Variants in DNAH9 observed in about 807,000 individuals in gnomAD.
DNAH9 encodes dynein axonemal heavy chain 9.
Under a neutral mutation model 471.6 loss-of-function variants are expected in DNAH9, and 345 were observed. The ratio of observed to expected loss-of-function variants is 0.73; its 90% CI spans 0.67 to 0.80. DNAH9 has a LOEUF of 0.80. Ranked by LOEUF, DNAH9 falls within the 30% of genes least tolerant of loss-of-function variation. The pLI is 0.00. For missense variants in DNAH9, 5,407 were observed against 5,609.2 expected, an observed-to-expected ratio of 0.96 and a Z score of 1.15; for synonymous variants, 2,093 against 2,123.6, an observed-to-expected ratio of 0.99 and a Z score of 0.40.
chr17:11,915,809 T>TA (rs1314794890), intron 61 of DNAH9, among the ~76,000 whole-genome samples: 1 of 152,250 alleles, frequency 6.6e-6, no homozygotes, highest in Non-Finnish European at 1.5e-5. Context: ...TAGAGATTCT[T>TA]ACAGCACTCT....
At chr17:11,702,877 G>T (rs941348964) in intron 24 of DNAH9, among the ~76,000 whole-genome samples, 2 of 152,078 alleles carry the variant, frequency 1.3e-5, no homozygotes, top group Admixed American at 6.6e-5. Flanking sequence ...TGGATCACGA[G>T]GTCAGGAGAT....
chr17:11,731,974 A>G (rs2075278111), intron 28 of DNAH9, among the ~76,000 whole-genome samples: 2 of 152,142 alleles, frequency 1.3e-5, no homozygotes, highest in Non-Finnish European at 2.9e-5. Flanking sequence ...GAATCTCCAC[A>G]TTGACTTCCA....
rs549053064 is a variant in DNAH9 at position 11,932,575 on chromosome 17, G to A, written c.12297+370G>A. Among the ~76,000 whole-genome samples, 8 of 152,310 alleles carry A rather than the reference G, an allele frequency of 5.3e-5. No individual in the cohort carries two copies. The South Asian group carries it at 1.2e-3, about 24-fold the overall frequency. On this transcript the variant is annotated intron_variant, in intron 64 of 68. Coordinates refer to ENST00000262442, the MANE Select transcript of DNAH9 (RefSeq NM_001372.4). This position sits in a 1 kb window ranked among gnomAD's most constrained non-coding sequence, Gnocchi z 4.3. ...AGATTCTCTGGTAATTCGTATGCACGTTAAGGAGGGATGATGCAGTGCTAT... is the reference window on the plus strand; with the variant it reads ...AGATTCTCTGGTAATTCGTATGCACATTAAGGAGGGATGATGCAGTGCTAT...
intron 10 of DNAH9, among the ~76,000 whole-genome samples, chr17:11,642,272 C>T (rs953954056): frequency 6.6e-6 from 1 of 152,164 alleles, no homozygotes; most frequent in African/African-American, 2.4e-5. Context: ...GGCATGGTGG[C>T]TCACACCTGT....
chr17:11,697,844 ATTG>A (rs1025510840), intron 22 of DNAH9, among the ~76,000 whole-genome samples: 1 of 151,834 alleles, frequency 6.6e-6, no homozygotes, highest in Non-Finnish European at 1.5e-5. Context: ...GTACTCTGTC[ATTG>A]TTAGTCTCCT....
At chr17:11,644,548 C>G in intron 10 of DNAH9, 83 bp from the exon 11 acceptor site, 1 of 1,015,904 alleles carries the variant, frequency 9.8e-7, no homozygotes, top group Non-Finnish European at 1.5e-6. Flanking sequence ...TCACGCTCTT[C>G]TTTGGAGACT....
At chr17:11,636,009 G>GT (rs920955597) in intron 8 of DNAH9, among the ~76,000 whole-genome samples, 58 of 149,072 alleles carry the variant, frequency 3.9e-4, no homozygotes, top group East Asian at 9.8e-4. Flanking sequence ...TGTTTGTTTG[G>GT]TTTTTTTTTG....
chr17:11,715,661 T>C (rs1279339661), intron 26 of DNAH9, among the ~76,000 whole-genome samples: 1 of 152,226 alleles, frequency 6.6e-6, no homozygotes, highest in African/African-American at 2.4e-5. Context: ...TAAGGATCTT[T>C]TGCCATTGTC....
chr17:11,663,784 G>C (rs1341383164), intron 14 of DNAH9, among the ~76,000 whole-genome samples: 1 of 152,180 alleles, frequency 6.6e-6, no homozygotes, highest in African/African-American at 2.4e-5. Context: ...ATTTAATGTG[G>C]AAGCAAACAA....
Position 11,930,047 on chromosome 17 carries a change from C to T in DNAH9, c.12059C>T (p.Thr4020Met), listed in dbSNP as rs774626535. 9.9e-6 allele frequency: 16 copies of T among 1,614,016 alleles called. No homozygotes were observed. The highest frequency in any genetic ancestry group is 8.3e-5 in the Admixed American group (5 of 60,000). The change falls in exon 63 of 69, where the codon ACG (threonine) becomes ATG (methionine). Residue 4020 changes from threonine (T) to methionine (M), a missense_variant. This residue lies in a region of DNAH9 where 4,636 missense variants were observed against 4,900.3 expected (regional missense o/e 0.95). Coordinates refer to ENST00000262442, the MANE Select transcript of DNAH9 (RefSeq NM_001372.4). ...NSIKITNEPP[T>M]GMHANLHKAL... ...ATTAAGATCACCAATGAGCCCCCCACGGGCATGCATGCCAACCTGCACAAG... is the reference window on the plus strand; with the variant it reads ...ATTAAGATCACCAATGAGCCCCCCATGGGCATGCATGCCAACCTGCACAAG...
At chr17:11,952,351 CCTCA>C (rs1027626094) in intron 67 of DNAH9, among the ~76,000 whole-genome samples, 1 of 127,404 alleles carries the variant, frequency 7.8e-6, no homozygotes, top group Non-Finnish European at 1.6e-5. Flanking sequence ...AGATACCAGG[CCTCA>C]CTGTGTTTCC....
intron 31 of DNAH9, 55 bp downstream of exon 31, chr17:11,745,139 T>C: frequency 7.1e-7 from 1 of 1,415,454 alleles, no homozygotes; most frequent in Non-Finnish European, 9.8e-7. Context: ...TTGTCCAGGA[T>C]AATGGGTTAT....
intron 1 of DNAH9, 91 bp downstream of exon 1, chr17:11,599,006 G>A (rs2072327135): frequency 1.9e-6 from 2 of 1,057,792 alleles, no homozygotes; most frequent in Non-Finnish European, 2.6e-6. Flanking sequence ...CAGAGGGGGC[G>A]GGGCGAAGCT....
chr17:11,886,147 AC>A (rs1380442592), intron 56 of DNAH9, among the ~76,000 whole-genome samples: 1 of 152,072 alleles, frequency 6.6e-6, no homozygotes, highest in Non-Finnish European at 1.5e-5. Context: ...ACATGGTGAA[AC>A]CCCTTCTCTA....
At position 11,608,178 on chromosome 17, in the gene DNAH9, A is replaced by G. The variant is rs1465931038; in HGVS notation, c.467A>G (p.His156Arg). The change falls in exon 2 of 69, where the codon CAC becomes CGC. Residue 156 changes from histidine (H) to arginine (R), a missense_variant. Coordinates refer to ENST00000262442, the MANE Select transcript of DNAH9 (RefSeq NM_001372.4). ...ANEKNRLNWP[H>R]MICEDVRRHA... is the part of the protein sequence containing the mutation. ...GAGAAGAATCGCCTAAACTGGCCCCACATGATATGTGAGGATGTCAGGCGG... is the reference window on the plus strand; with the variant it reads ...GAGAAGAATCGCCTAAACTGGCCCCGCATGATATGTGAGGATGTCAGGCGG... 2 of 1,613,300 alleles carry G rather than the reference A, an allele frequency of 1.2e-6. No individual in the cohort carries two copies. Among genetic ancestry groups the G allele is most frequent in the Non-Finnish European group, 1.7e-6 (2 of 1,179,390 alleles).
Position 11,651,205 on chromosome 17 carries a change from G to A in DNAH9, c.2234G>A (p.Trp745Ter). 1 of 1,614,040 alleles carries A rather than the reference G, an allele frequency of 6.2e-7. No homozygotes were observed. Among genetic ancestry groups the A allele is most frequent in the Non-Finnish European group, 8.5e-7 (1 of 1,180,014 alleles). ...LVANLELMAN[W>*]YNKVMKTLLE... Reference sequence around the variant, plus strand: ...GCTAATTTAGAGTTGATGGCAAATTGGTACAACAAGGTTATGAAAACTCTG... The same window carrying A: ...GCTAATTTAGAGTTGATGGCAAATTAGTACAACAAGGTTATGAAAACTCTG... The change falls in exon 13 of 69, where the codon TGG becomes TAG. Residue 745 changes from tryptophan to a stop codon, truncating the protein, a stop_gained. Coordinates refer to ENST00000262442, the MANE Select transcript of DNAH9 (RefSeq NM_001372.4). LOFTEE classifies it high-confidence loss of function.
intron 14 of DNAH9, among the ~76,000 whole-genome samples, chr17:11,654,414 GTATC>G: frequency 6.8e-6 from 1 of 147,734 alleles, no homozygotes; most frequent in East Asian, 2.1e-4. Flanking sequence ...TATCGTCTAT[GTATC>G]TATCTATTGA....
chr17:11,812,475 C>G (rs923512782), intron 45 of DNAH9, among the ~76,000 whole-genome samples: 1 of 152,136 alleles, frequency 6.6e-6, no homozygotes, highest in East Asian at 1.9e-4. Flanking sequence ...CCAGGAAGTT[C>G]CTGGCTTTGG....
chr17:11,621,676 A>G (rs1290945006), intron 6 of DNAH9, among the ~76,000 whole-genome samples: 1 of 152,210 alleles, frequency 6.6e-6, no homozygotes, highest in Non-Finnish European at 1.5e-5. Context: ...ATTTCCCTGT[A>G]AGAGGCTGGT....
Sources: gnomAD v4.1 joint callset for allele counts (sites outside exome capture counted in the v4.1 genomes callset) on GRCh38, gnomAD v4.1.1 for gene constraint, gnomAD v4.1.1 regional missense constraint, Gnocchi (gnomAD v3.1) non-coding constraint, MANE v1.5 for transcripts, NCBI Gene and HGNC (gene_info 2026-07-23, HGNC 2026-07-21) for gene names.